The following NAV3 variants were observed in gnomAD, a reference collection of about 807,000 sequenced individuals.
NAV3 encodes the protein pore membrane and/or filament interacting like protein 1.
In NAV3, 87 loss-of-function variants were observed where a neutral mutation model predicts 244.7. That is an observed-to-expected ratio of 0.36 (90% CI 0.30 to 0.42). The LOEUF is 0.42. NAV3 is among the 20% of genes least tolerant of loss of function. The pLI, the probability that NAV3 is intolerant of heterozygous loss-of-function variation, is 1.00. For synonymous variants in NAV3, 1,126 were observed against 1,042.2 expected, an observed-to-expected ratio of 1.08 and a Z score of -1.55; for missense variants, 2,663 against 2,893.3, an observed-to-expected ratio of 0.92 and a Z score of 1.83.
chr12:77,639,038 G>A (rs12827908), intron 2 of NAV3, among the ~76,000 whole-genome samples: 2 of 151,940 alleles, frequency 1.3e-5, no homozygotes, highest in Non-Finnish European at 2.9e-5. Flanking sequence ...TATTTTACAC[G>A]TTGACAATTA....
At chr12:78,001,018 G>A (rs1283159301) in intron 7 of NAV3, among the ~76,000 whole-genome samples, 1 of 151,202 alleles carries the variant, frequency 6.6e-6, no homozygotes, top group Non-Finnish European at 1.5e-5. Flanking sequence ...TATCCAAATG[G>A]TACATTTTTT....
At position 77,985,188 on chromosome 12, in the gene NAV3, C is replaced by T. The variant is rs143236453; in HGVS notation, c.672-9615C>T. Among the ~76,000 whole-genome samples the T allele has an allele frequency of 3.3e-5, 5 of 152,256 alleles. No homozygotes were observed. In the East Asian group the frequency reaches 9.6e-4, roughly 29 times the overall value. On this transcript the variant is annotated intron_variant, in intron 5 of 39. Transcript: ENST00000397909. ...TATAATTCTCCGAATGAAACAGTAA[C>T]CTCTGTGGGCTTTAACCAAATTTTT...
intron 2 of NAV3, among the ~76,000 whole-genome samples, chr12:77,654,732 A>G (rs1189021952): frequency 6.6e-6 from 1 of 152,080 alleles, no homozygotes; most frequent in Admixed American, 6.5e-5. Flanking sequence ...GACACCTCAC[A>G]TGGCCGGGTA....
intron 9 of NAV3, among the ~76,000 whole-genome samples, chr12:78,028,071 C>T (rs1878378676): frequency 6.6e-6 from 1 of 151,910 alleles, no homozygotes; most frequent in African/African-American, 2.4e-5. Flanking sequence ...GAATGACCAC[C>T]ATATATGACC....
At chr12:77,609,206 CA>C (rs1327136000) in intron 2 of NAV3, among the ~76,000 whole-genome samples, 1 of 151,894 alleles carries the variant, frequency 6.6e-6, no homozygotes, top group African/African-American at 2.4e-5. Context: ...GAATCAAAAC[CA>C]AAACCAAAAA....
At chr12:77,661,867 A>G (rs989342854) in intron 2 of NAV3, among the ~76,000 whole-genome samples, 16 of 152,194 alleles carry the variant, frequency 1.1e-4, no homozygotes, top group African/African-American at 3.8e-4. Flanking sequence ...ATATATTTCT[A>G]GATTTTGTAT....
chr12:77,708,470 A>G (rs1005690672), intron 2 of NAV3, among the ~76,000 whole-genome samples: 129 of 152,242 alleles, frequency 8.5e-4, no homozygotes, highest in African/African-American at 2.8e-3. Flanking sequence ...GCCTTGTAGT[A>G]TAGTTTGAAG....
chr12:77,726,013 G>A (rs1033157872), intron 2 of NAV3, among the ~76,000 whole-genome samples: 1 of 151,724 alleles, frequency 6.6e-6, no homozygotes, highest in Non-Finnish European at 1.5e-5. Context: ...TAATTACATT[G>A]GGCCTAACCG....
intron 1 of NAV3, among the ~76,000 whole-genome samples, chr12:77,855,609 A>C (rs1241011109): frequency 2.6e-5 from 4 of 152,240 alleles, no homozygotes; most frequent in Non-Finnish European, 4.4e-5. Context: ...TACTTTGAGC[A>C]ATAGAATGCA....
intron 2 of NAV3, among the ~76,000 whole-genome samples, chr12:77,790,086 A>G (rs1479540652): frequency 1.3e-5 from 2 of 152,164 alleles, no homozygotes; most frequent in Non-Finnish European, 2.9e-5. Flanking sequence ...TCTTACCACC[A>G]CAGCAGCTTA....
intron 3 of NAV3, among the ~76,000 whole-genome samples, chr12:77,961,747 CTG>C (rs1304342878): frequency 7.3e-6 from 1 of 136,770 alleles, no homozygotes; most frequent in African/African-American, 2.8e-5. Context: ...TTAAAGTAGA[CTG>C]GGGAGAGAGT....
chr12:77,817,943 T>C (rs577493999), intron 2 of NAV3, among the ~76,000 whole-genome samples: 6 of 152,172 alleles, frequency 3.9e-5, no homozygotes, highest in Non-Finnish European at 7.4e-5. Context: ...TCTCTAGAAC[T>C]TGATTTTGCC....
At chr12:77,835,548 A>C (rs1031426904) in intron 1 of NAV3, among the ~76,000 whole-genome samples, 5 of 152,194 alleles carry the variant, frequency 3.3e-5, no homozygotes, top group Admixed American at 6.5e-5. Context: ...GAATTCCTAG[A>C]CTAATATCTG....
At chr12:77,594,306 A>C (rs939490491) in intron 2 of NAV3, among the ~76,000 whole-genome samples, 1 of 151,976 alleles carries the variant, frequency 6.6e-6, no homozygotes, top group Admixed American at 6.6e-5. Flanking sequence ...ATAGTTATCT[A>C]TCTGTGCTAG....
At position 77,612,672 on chromosome 12, in the gene NAV3, A is replaced by G. The variant is rs568876698; in HGVS notation, c.72+40406A>G. 5.9e-5 allele frequency among the ~76,000 whole-genome samples: 9 copies of G among 152,250 alleles called. No individual in the cohort carries two copies. In the East Asian group the frequency reaches 1.2e-3, roughly 20 times the overall value. On this transcript the variant is annotated intron_variant, in intron 2 of 8. Coordinates refer to the NAV3 transcript ENST00000550042. ...TTTTTCCCTAGCATTGCTTTATTTTATAGAATTACAATTTTCCAGAAGGAT... is the reference window on the plus strand; with the variant it reads ...TTTTTCCCTAGCATTGCTTTATTTTGTAGAATTACAATTTTCCAGAAGGAT...
intron 12 of NAV3, among the ~76,000 whole-genome samples, chr12:78,090,189 G>GTATATA (rs34476960): frequency 2.5e-4 from 36 of 146,564 alleles, no homozygotes; most frequent in African/African-American, 8.7e-4. Context: ...ATATATGTGT[G>GTATATA]TATATATATA....
intron 38 of NAV3, among the ~76,000 whole-genome samples, chr12:78,204,155 G>A (rs1161727131): frequency 6.6e-6 from 1 of 151,240 alleles, no homozygotes; most frequent in East Asian, 2.0e-4. Context: ...ATTGAACAAT[G>A]AGAACACATG....
At chr12:78,182,251 A>C (rs1478179726) in intron 30 of NAV3, among the ~76,000 whole-genome samples, 1 of 152,076 alleles carries the variant, frequency 6.6e-6, no homozygotes, top group Non-Finnish European at 1.5e-5. Flanking sequence ...AATATTCTGC[A>C]AAAGAAAGAA....
chr12:77,594,757 CT>C (rs1193227043), intron 2 of NAV3, among the ~76,000 whole-genome samples: 1 of 152,180 alleles, frequency 6.6e-6, no homozygotes, highest in African/African-American at 2.4e-5. Flanking sequence ...AATCATTTTA[CT>C]TCATAGAATT....
Sources: allele counts gnomAD v4.1 joint callset (sites outside exome capture counted in the v4.1 genomes callset), GRCh38; gene constraint gnomAD v4.1.1; transcripts MANE v1.5; gene names NCBI Gene and HGNC (gene_info 2026-07-23, HGNC 2026-07-21).